Variants in ZNF385D observed in about 807,000 individuals in gnomAD.
ZNF385D encodes zinc finger protein 385D, also known as zinc finger protein 659.
A neutral mutation model predicts 35.8 loss-of-function variants in ZNF385D; 15 were observed. The observed-to-expected ratio is 0.42, with a 90% CI of 0.28 to 0.64. The LOEUF is 0.64. Among genes scored for constraint, ZNF385D ranks in the 30% least tolerant of loss-of-function variants. The pLI, the probability that ZNF385D is intolerant of heterozygous loss-of-function variation, is 0.23. For synonymous variants in ZNF385D, 212 were observed against 186.8 expected (o/e 1.13, Z -1.10); for missense variants, 474 against 494.6 (o/e 0.96, Z 0.39).
chr3:22,188,159 G>A (rs898357319), intron 2 of ZNF385D, among the ~76,000 whole-genome samples: 1 of 152,058 alleles, frequency 6.6e-6, no homozygotes, highest in Admixed American at 6.6e-5. Flanking sequence ...GGACAAAGAC[G>A]AAACCGAATT....
chr3:21,707,626 T>C (rs776071539), intron 1 of ZNF385D, among the ~76,000 whole-genome samples: 1 of 152,204 alleles, frequency 6.6e-6, no homozygotes, highest in African/African-American at 2.4e-5. Flanking sequence ...TATGCTAATA[T>C]GAGCAAAACC....
intron 1 of ZNF385D, among the ~76,000 whole-genome samples, chr3:21,740,255 C>T (rs926468943): frequency 6.6e-6 from 1 of 152,116 alleles, no homozygotes; most frequent in Non-Finnish European, 1.5e-5. Context: ...AAAGTGGTAG[C>T]TCATCTAACT....
At chr3:22,236,322 G>C (rs1026633910) in intron 2 of ZNF385D, among the ~76,000 whole-genome samples, 1 of 151,948 alleles carries the variant, frequency 6.6e-6, no homozygotes, top group Admixed American at 6.6e-5. Flanking sequence ...AAGTTGACTA[G>C]GAGAACAAGA....
intron 3 of ZNF385D, among the ~76,000 whole-genome samples, chr3:22,103,902 A>T (rs538941967): frequency 6.6e-6 from 1 of 152,212 alleles, no homozygotes; most frequent in South Asian, 2.1e-4. Flanking sequence ...TGACTAATTG[A>T]ATTATATGGC....
chr3:22,234,763 G>A (rs544877301), intron 2 of ZNF385D, among the ~76,000 whole-genome samples: 6 of 151,962 alleles, frequency 3.9e-5, no homozygotes, highest in African/African-American at 1.4e-4. Context: ...TATTCTCTGC[G>A]AATGGAAATA....
At chr3:21,739,197 C>T (rs911113517) in intron 1 of ZNF385D, among the ~76,000 whole-genome samples, 20 of 152,258 alleles carry the variant, frequency 1.3e-4, no homozygotes, top group Middle Eastern at 3.4e-3. Flanking sequence ...TAGTCACTAC[C>T]GAAAAGTCAC....
At chr3:22,307,314 T>C (rs993779465) in intron 2 of ZNF385D, among the ~76,000 whole-genome samples, 2 of 152,116 alleles carry the variant, frequency 1.3e-5, no homozygotes, top group Non-Finnish European at 2.9e-5. Context: ...TGGAGAAATC[T>C]TTGAATGCCA....
At chr3:21,990,718 T>C (rs1324140892) in intron 3 of ZNF385D, among the ~76,000 whole-genome samples, 1 of 152,242 alleles carries the variant, frequency 6.6e-6, no homozygotes, top group Non-Finnish European at 1.5e-5. Context: ...ACTTTCTTTT[T>C]AGAGAGCTCA....
intron 2 of ZNF385D, among the ~76,000 whole-genome samples, chr3:22,214,405 C>A (rs139463981): frequency 6.6e-6 from 1 of 151,934 alleles, no homozygotes. Context: ...AATCTGGGCA[C>A]CTTGAAAAAA....
At chr3:21,805,594 G>A (rs1217657953) in intron 3 of ZNF385D, among the ~76,000 whole-genome samples, 1 of 152,112 alleles carries the variant, frequency 6.6e-6, no homozygotes, top group African/African-American at 2.4e-5. Context: ...GCTCTTCTGA[G>A]GACCAATTTT....
At chr3:22,008,816 G>C (rs1291174664) in intron 3 of ZNF385D, among the ~76,000 whole-genome samples, 2 of 152,156 alleles carry the variant, frequency 1.3e-5, no homozygotes, top group African/African-American at 4.8e-5. Flanking sequence ...AATACTGCAA[G>C]TCAAGACAAA....
chr3:21,739,315 T>G (rs1008490850), intron 1 of ZNF385D, among the ~76,000 whole-genome samples: 5 of 152,166 alleles, frequency 3.3e-5, no homozygotes, highest in Non-Finnish European at 7.3e-5. Flanking sequence ...AGTTAAACAT[T>G]TTTCTCTCTT....
intron 2 of ZNF385D, among the ~76,000 whole-genome samples, chr3:22,174,251 A>C (rs1020980252): frequency 2.6e-5 from 4 of 152,184 alleles, no homozygotes; most frequent in Admixed American, 2.6e-4. Context: ...TCTCAACTTT[A>C]ACAAGCCAGG....
chr3:22,072,564 G>T (rs1700279837), intron 3 of ZNF385D, among the ~76,000 whole-genome samples: 2 of 151,886 alleles, frequency 1.3e-5, no homozygotes, highest in Admixed American at 1.3e-4. Flanking sequence ...CAATTTTTAG[G>T]AAGGAAAATG....
intron 2 of ZNF385D, among the ~76,000 whole-genome samples, chr3:22,310,762 T>C (rs901055224): frequency 1.3e-5 from 2 of 151,900 alleles, no homozygotes; most frequent in Non-Finnish European, 2.9e-5. Context: ...TGTAGAACTT[T>C]TATGATTGAT....
At chr3:22,120,339 G>A (rs1703026693) in intron 3 of ZNF385D, among the ~76,000 whole-genome samples, 1 of 152,050 alleles carries the variant, frequency 6.6e-6, no homozygotes, top group East Asian at 1.9e-4. Flanking sequence ...TTCCCACTGG[G>A]TCCTCACAGG....
chr3:22,304,021 G>T (rs552447981), intron 2 of ZNF385D, among the ~76,000 whole-genome samples: 4 of 152,174 alleles, frequency 2.6e-5, no homozygotes, highest in South Asian at 2.1e-4. Flanking sequence ...CAGGTAAGCC[G>T]CCCACCTCGG....
At chr3:21,692,663 G>A (rs7621873) in intron 1 of ZNF385D, among the ~76,000 whole-genome samples, 18,971 of 152,190 alleles carry the variant, frequency 0.12, 1,367 homozygotes, top group East Asian at 0.19. Flanking sequence ...CCACAAGCAC[G>A]CAGAACACCT....
intron 3 of ZNF385D, among the ~76,000 whole-genome samples, chr3:22,129,971 G>C (rs1025011853): frequency 1.3e-5 from 2 of 152,112 alleles, no homozygotes; most frequent in African/African-American, 4.8e-5. Context: ...GGCCCATGGC[G>C]ACTGCTGCCT....
Sources: allele counts gnomAD v4.1 joint callset (sites outside exome capture counted in the v4.1 genomes callset), GRCh38; gene constraint gnomAD v4.1.1; transcripts MANE v1.5; gene names NCBI Gene and HGNC (gene_info 2026-07-23, HGNC 2026-07-21).